Variants in UTP6 observed in about 807,000 individuals in gnomAD.
UTP6 encodes UTP6 small subunit processome component, also known as U3 small nucleolar RNA-associated protein 6 homolog.
Under a neutral mutation model 96.5 loss-of-function variants are expected in UTP6, and 60 were observed. The ratio of observed to expected loss-of-function variants is 0.62; its 90% CI spans 0.51 to 0.77. UTP6 has a LOEUF of 0.77. Among genes scored for constraint, UTP6 ranks in the 30% least tolerant of loss-of-function variants. The probability of loss-of-function intolerance (pLI) is 0.00; values close to 1 mark genes in which losing one functional copy is unlikely to be tolerated. For synonymous variants in UTP6, 215 were observed against 240.1 expected (o/e 0.90, Z 0.96); for missense variants, 637 against 706.5 (o/e 0.90, Z 1.12).
chr17:31,866,414 G>A (rs1179390534), intron 17 of UTP6, among the ~76,000 whole-genome samples: 2 of 151,614 alleles, frequency 1.3e-5, no homozygotes, highest in African/African-American at 4.9e-5. Flanking sequence ...CCAACGTGGT[G>A]AAACCAGTCT....
chr17:31,895,192 TAAAC>T (rs1766339640), intron 2 of UTP6, among the ~76,000 whole-genome samples, 181 bp from the exon 3 acceptor site: 1 of 152,208 alleles, frequency 6.6e-6, no homozygotes, highest in South Asian at 2.1e-4. Flanking sequence ...CTATAAAACT[TAAAC>T]AGAATTAACA....
At chr17:31,883,897 G>A (rs980430045) in intron 10 of UTP6, among the ~76,000 whole-genome samples, 6 of 9,056 alleles carry the variant, frequency 6.6e-4, no homozygotes, top group Admixed American at 3.6e-3. Context: ...TCAAACCCCT[G>A]AGCTCAAGGG....
chr17:31,869,282 C>G (rs1026152602), intron 16 of UTP6, among the ~76,000 whole-genome samples: 1 of 152,136 alleles, frequency 6.6e-6, no homozygotes, highest in Non-Finnish European at 1.5e-5. Context: ...AATACTTCCA[C>G]CTCAGCCTCC....
At chr17:31,869,441 T>C (rs927668197) in intron 16 of UTP6, among the ~76,000 whole-genome samples, 1 of 152,240 alleles carries the variant, frequency 6.6e-6, no homozygotes, top group Admixed American at 6.5e-5. Context: ...CCCAGAGTTC[T>C]GGGATTACAG....
chr17:31,872,689 A>C (rs538347367), intron 16 of UTP6, among the ~76,000 whole-genome samples: 2 of 152,206 alleles, frequency 1.3e-5, no homozygotes, highest in East Asian at 3.9e-4. Flanking sequence ...AAAGAAAAGG[A>C]AACATTACTT....
At chr17:31,869,987 A>G (rs1246554031) in intron 16 of UTP6, among the ~76,000 whole-genome samples, 1 of 152,190 alleles carries the variant, frequency 6.6e-6, no homozygotes, top group Non-Finnish European at 1.5e-5. Context: ...TATCCACGCT[A>G]CTGCCAAGAA....
intron 9 of UTP6, chr17:31,884,978 C>A: frequency 6.5e-6 from 1 of 154,294 alleles, no homozygotes; most frequent in Non-Finnish European, 1.4e-5. Context: ...CCCATGAAGT[C>A]GAGGCTACAG....
chr17:31,864,935 G>C (rs9899093), intron 18 of UTP6, among the ~76,000 whole-genome samples: 137,035 of 152,178 alleles, frequency 0.9, 61,865 homozygotes, highest in African/African-American at 0.96. Flanking sequence ...CACAAAGCAA[G>C]TGAGGAGGCA....
At position 31,868,108 on chromosome 17, in the gene UTP6, G is replaced by A; in HGVS notation, c.1501C>T (p.Gln501Ter). Reference sequence around the variant, plus strand: ...TCAACTGAAAATGGTCGGCTCTCCTGTAAACTAAAAAGGAAGGAGAAAACG... The same window carrying A: ...TCAACTGAAAATGGTCGGCTCTCCTATAAACTAAAAAGGAAGGAGAAAACG... Reference protein sequence around the residue: ...KKARAVFKSLQESRPFSVDFF... With the variant: ...KKARAVFKSL The change falls in exon 17 of 19, where the codon CAG becomes TAG. Residue 501 changes from glutamine to a stop codon, truncating the protein, a stop_gained. Coordinates refer to ENST00000261708, the MANE Select transcript of UTP6 (RefSeq NM_018428.3). LOFTEE classifies it high-confidence loss of function. 1 of 1,612,330 alleles carries A rather than the reference G, an allele frequency of 6.2e-7. No homozygotes were observed. Among genetic ancestry groups the A allele is most frequent in the Non-Finnish European group, 8.5e-7 (1 of 1,179,014 alleles).
intron 4 of UTP6, among the ~76,000 whole-genome samples, chr17:31,894,077 TA>T (rs1326042187): frequency 6.6e-6 from 1 of 151,550 alleles, no homozygotes; most frequent in Non-Finnish European, 1.5e-5. Flanking sequence ...GAGACCAGCC[TA>T]AAAAACATGA....
intron 17 of UTP6, among the ~76,000 whole-genome samples, chr17:31,865,705 G>C (rs569443354): frequency 4.6e-5 from 7 of 152,328 alleles, no homozygotes; most frequent in African/African-American, 1.7e-4. Context: ...CAGCTTCACA[G>C]AAAACAGTAT....
At chr17:31,899,500 C>A in intron 2 of UTP6, 146 bp downstream of exon 2, 1 of 456,196 alleles carries the variant, frequency 2.2e-6, no homozygotes, top group Non-Finnish European at 3.7e-6. Flanking sequence ...GTAGGAGAAT[C>A]GCTTGAGCCT....
rs1250822828 is a variant in UTP6 at position 31,889,400 on chromosome 17, A to T, written c.428T>A (p.Leu143Ter). ...TTCCCATTTGGCTGCCATAATCCAC[A>T]AAGCTGTAAGTGAAAAACCATCAGA... The part of the protein sequence containing the change: ...MLAIHSNKPA[L>*]WIMAAKWEME... The change falls in exon 7 of 19, where the codon TTG (leucine) becomes TAG (stop). Residue 143 changes from leucine (L) to a stop codon, truncating the protein, a stop_gained. Transcript: ENST00000261708. LOFTEE classifies it high-confidence loss of function. The T allele has an allele frequency of 6.2e-7, 1 of 1,611,780 alleles. No individual in the cohort carries two copies. Among genetic ancestry groups the T allele is most frequent in the African/African-American group, 1.3e-5 (1 of 74,896 alleles).
chr17:31,887,466 G>A, intron 7 of UTP6, 153 bp from the exon 8 acceptor site: 1 of 605,094 alleles, frequency 1.7e-6, no homozygotes, highest in Non-Finnish European at 2.9e-6. Context: ...CCTTGCCTCA[G>A]CTTCCTGAGT....
intron 10 of UTP6, among the ~76,000 whole-genome samples, chr17:31,883,251 G>A (rs867495168): frequency 2.0e-5 from 3 of 150,306 alleles, no homozygotes; most frequent in African/African-American, 7.3e-5. Context: ...AAACATATGA[G>A]TATAACTCTC....
At chr17:31,865,875 T>C (rs534503138) in intron 17 of UTP6, among the ~76,000 whole-genome samples, 1 of 152,314 alleles carries the variant, frequency 6.6e-6, no homozygotes, top group South Asian at 2.1e-4. Context: ...CAGCAAGTTT[T>C]TGAACCCTTT....
chr17:31,875,256 G>C lies in UTP6; in HGVS notation c.1283C>G (p.Ala428Gly), dbSNP rs150542174. Residue 428 changes from alanine to glycine, a missense_variant, in exon 14 of 19, where the codon GCC becomes GGC. Physicochemically the swap from Ala to Gly is moderately conservative, Grantham distance 60. Transcript: ENST00000261708. ...GACCTGGGGTTTCAGGTGCACAAAG[G>C]CTTCTTCAAAAAGCATGGCTATGTC... Reference protein sequence around the residue: ...SPDIAMLFEEAFVHLKPQVCL... With the variant: ...SPDIAMLFEEGFVHLKPQVCL... 1.0e-4 allele frequency: 166 copies of C among 1,614,010 alleles called. 1 individual carries two copies. The highest frequency in any genetic ancestry group is 1.3e-4 in the South Asian group (12 of 91,082).
intron 16 of UTP6, 131 bp from the exon 17 acceptor site, chr17:31,868,243 G>T: frequency 1.5e-6 from 1 of 652,780 alleles, no homozygotes; most frequent in Non-Finnish European, 2.5e-6. Flanking sequence ...ATCAATGCAA[G>T]GACTTGACCT....
At chr17:31,896,127 A>T (rs1450637984) in intron 2 of UTP6, among the ~76,000 whole-genome samples, 1 of 151,094 alleles carries the variant, frequency 6.6e-6, no homozygotes, top group Non-Finnish European at 1.5e-5. Context: ...GCCCAGGCTG[A>T]AGTGCAGTGG....
Sources: allele counts gnomAD v4.1 joint callset (sites outside exome capture counted in the v4.1 genomes callset), GRCh38; gene constraint gnomAD v4.1.1; transcripts MANE v1.5; gene names NCBI Gene and HGNC (gene_info 2026-07-23, HGNC 2026-07-21).